Variants in EPHA6 observed in about 807,000 individuals in gnomAD.
EPHA6 encodes EPH receptor A6, also known as ephrin type-A receptor 6.
EPHA6 carries 50 observed loss-of-function variants against 112.0 expected under a neutral mutation model. The observed-to-expected ratio is 0.45, with a 90% CI of 0.36 to 0.56. The LOEUF is 0.56. EPHA6 is among the 20% of genes least tolerant of loss of function. EPHA6 has a pLI of 0.00. For missense variants in EPHA6, 1,280 were observed against 1,417.4 expected (o/e 0.90, Z 1.56); for synonymous variants, 529 against 490.7 (o/e 1.08, Z -1.03).
intron 11 of EPHA6, among the ~76,000 whole-genome samples, chr3:97,551,972 C>T (rs899094837): frequency 1.3e-5 from 2 of 152,032 alleles, no homozygotes; most frequent in African/African-American, 4.8e-5. Flanking sequence ...AGTTATTTCC[C>T]TAAAAGAGGA....
At chr3:96,868,917 C>G (rs2036480412) in intron 2 of EPHA6, among the ~76,000 whole-genome samples, 1 of 151,860 alleles carries the variant, frequency 6.6e-6, no homozygotes, top group South Asian at 2.1e-4. Context: ...ATTAGGCATT[C>G]AGAGTGTGCC....
chr3:97,576,311 G>A (rs756832249), intron 11 of EPHA6, among the ~76,000 whole-genome samples: 2 of 151,906 alleles, frequency 1.3e-5, no homozygotes, highest in Admixed American at 6.6e-5. Context: ...TCAGTCCAGG[G>A]AGCAACTACT....
chr3:97,201,309 G>A (rs2077571956), intron 3 of EPHA6, among the ~76,000 whole-genome samples: 1 of 151,992 alleles, frequency 6.6e-6, no homozygotes, highest in African/African-American at 2.4e-5. Flanking sequence ...GGCAATCCTG[G>A]AAAATTGTCT....
chr3:97,593,595 G>A (rs2093563581), intron 12 of EPHA6, among the ~76,000 whole-genome samples: 1 of 152,118 alleles, frequency 6.6e-6, no homozygotes, highest in African/African-American at 2.4e-5. Context: ...AGCTGGCCCA[G>A]CCTGCAATGT....
chr3:97,547,301 C>G (rs2092965803), intron 11 of EPHA6, among the ~76,000 whole-genome samples: 1 of 152,190 alleles, frequency 6.6e-6, no homozygotes, highest in African/African-American at 2.4e-5. Context: ...CCCTTAGATG[C>G]AGGTCTGTTG....
chr3:96,898,758 G>A (rs982841129), intron 2 of EPHA6, among the ~76,000 whole-genome samples: 9 of 151,910 alleles, frequency 5.9e-5, no homozygotes, highest in African/African-American at 2.2e-4. Flanking sequence ...GGCCGGGCGC[G>A]GTGGCTCACG....
chr3:96,998,854 T>C (rs1302786350), intron 3 of EPHA6, among the ~76,000 whole-genome samples: 2 of 152,114 alleles, frequency 1.3e-5, no homozygotes, highest in East Asian at 3.9e-4. Flanking sequence ...ATCCTGTCTT[T>C]GAAATAATTT....
intron 13 of EPHA6, among the ~76,000 whole-genome samples, chr3:97,619,783 A>C (rs1005699315): frequency 6.6e-6 from 1 of 152,196 alleles, no homozygotes; most frequent in South Asian, 2.1e-4. Flanking sequence ...AAACAAATGG[A>C]AAAACTTTCC....
intron 3 of EPHA6, among the ~76,000 whole-genome samples, chr3:97,018,008 A>G (rs529087616): frequency 3.2e-4 from 47 of 144,616 alleles, no homozygotes; most frequent in Non-Finnish European, 7.0e-4. Flanking sequence ...TCCTCTATGT[A>G]TTTTCACATA....
intron 15 of EPHA6, among the ~76,000 whole-genome samples, chr3:97,721,536 A>C (rs982995628): frequency 6.6e-6 from 1 of 152,208 alleles, no homozygotes; most frequent in African/African-American, 2.4e-5. Flanking sequence ...TTAACGTAGC[A>C]GCAGGTTTGA....
intron 3 of EPHA6, among the ~76,000 whole-genome samples, chr3:97,092,341 C>T (rs897570870): frequency 5.3e-5 from 8 of 151,968 alleles, no homozygotes; most frequent in African/African-American, 1.9e-4. Flanking sequence ...CAGTTATAGA[C>T]AAAATGTTAA....
At chr3:97,357,598 A>G (rs909154135) in intron 5 of EPHA6, among the ~76,000 whole-genome samples, 25 of 152,328 alleles carry the variant, frequency 1.6e-4, no homozygotes, top group Admixed American at 7.2e-4. Flanking sequence ...ACCAATAAGT[A>G]GGGATTTTTA....
intron 11 of EPHA6, among the ~76,000 whole-genome samples, chr3:97,548,815 C>T (rs1263903438): frequency 6.6e-6 from 1 of 152,300 alleles, no homozygotes; most frequent in East Asian, 1.9e-4. Flanking sequence ...CTTGTATAAA[C>T]AATCACATAC....
intron 5 of EPHA6, among the ~76,000 whole-genome samples, chr3:97,297,257 C>A (rs1033330579): frequency 4.6e-5 from 7 of 152,176 alleles, no homozygotes; most frequent in Non-Finnish European, 1.0e-4. Context: ...CATTTTCCTC[C>A]CCTTCCATGC....
intron 7 of EPHA6, among the ~76,000 whole-genome samples, chr3:97,457,470 A>G (rs965639535): frequency 2.6e-5 from 4 of 152,182 alleles, no homozygotes; most frequent in African/African-American, 9.7e-5. Flanking sequence ...TGAGAATTGA[A>G]TGAAAGAGTT....
At chr3:97,031,240 C>T (rs2044826009) in intron 3 of EPHA6, among the ~76,000 whole-genome samples, 1 of 151,982 alleles carries the variant, frequency 6.6e-6, no homozygotes, top group African/African-American at 2.4e-5. Context: ...ACTGGCTAGC[C>T]ATAGGTAGAA....
chr3:97,757,931 T>C lies in EPHA6; in HGVS notation c.*9230T>C, dbSNP rs1165412948. Reference sequence around the variant, plus strand: ...GTCATAGCACAGTGGCTAGAAGTTATTCTTTTTGAAGTTATTCTTCTTTTA... The same window carrying C: ...GTCATAGCACAGTGGCTAGAAGTTACTCTTTTTGAAGTTATTCTTCTTTTA... On this transcript the variant is annotated 3_prime_UTR_variant, in exon 18 of 18. Coordinates refer to ENST00000389672, the MANE Select transcript of EPHA6 (RefSeq NM_001080448.3). 6.6e-6 allele frequency among the ~76,000 whole-genome samples: 1 copy of C among 151,964 alleles called. No homozygotes were observed. The highest frequency in any genetic ancestry group is 1.5e-5 in the Non-Finnish European group (1 of 67,828).
At chr3:97,109,957 G>T (rs968239222) in intron 3 of EPHA6, among the ~76,000 whole-genome samples, 2 of 152,078 alleles carry the variant, frequency 1.3e-5, no homozygotes, top group African/African-American at 4.8e-5. Context: ...ATCATATCAA[G>T]AAGCATTTCA....
chr3:96,861,106 G>T (rs1409839174), intron 1 of EPHA6, among the ~76,000 whole-genome samples: 3 of 151,990 alleles, frequency 2.0e-5, no homozygotes. Flanking sequence ...GCAGGTTTTA[G>T]GAATGATTAT....
Sources: allele counts gnomAD v4.1 joint callset (sites outside exome capture counted in the v4.1 genomes callset), GRCh38; gene constraint gnomAD v4.1.1; transcripts MANE v1.5; gene names NCBI Gene and HGNC (gene_info 2026-07-23, HGNC 2026-07-21).